APBA2: variants seen among roughly 807,000 people sequenced by gnomAD.
APBA2 encodes the protein amyloid-beta A4 precursor protein-binding family A member 2.
Under a neutral mutation model 75.0 loss-of-function variants are expected in APBA2, and 30 were observed. That is an observed-to-expected ratio of 0.40 (90% CI 0.30 to 0.54). The LOEUF (loss-of-function observed/expected upper bound fraction) is 0.54. Ranked by LOEUF, APBA2 falls within the 20% of genes least tolerant of loss-of-function variation. APBA2 has a pLI of 0.49. For synonymous variants in APBA2, 444 were observed against 409.6 expected, an observed-to-expected ratio of 1.08 and a Z score of -1.01; for missense variants, 801 against 1,016.1, an observed-to-expected ratio of 0.79 and a Z score of 2.88.
At position 29,098,517 on chromosome 15, in the gene APBA2, A is replaced by G. The variant is rs749057787; in HGVS notation, c.1279A>G (p.Thr427Ala). ...ANSEGDAQTL[T>A]EVDLFISTQR... The stretch of plus-strand genomic sequence containing the variant: ...TTCTGAGGGGGATGCCCAGACGCTG[A>G]CGGAAGTGGACCTCTTCATTTCCAC... Residue 427 changes from threonine to alanine, a missense_variant, in exon 9 of 15, where the codon ACG (threonine) becomes GCG (alanine). Physicochemically the swap from Thr to Ala is moderately conservative, Grantham distance 58. Transcript: ENST00000683413. 10 of 1,614,146 alleles carry G rather than the reference A, an allele frequency of 6.2e-6. No individual in the cohort carries two copies. The South Asian group carries it at 1.1e-4, about 18-fold the overall frequency.
chr15:29,058,015 A>T (rs891478150), intron 4 of APBA2, among the ~76,000 whole-genome samples: 1 of 152,086 alleles, frequency 6.6e-6, no homozygotes, highest in African/African-American at 2.4e-5. Context: ...CCTGTTGCGT[A>T]TGTCCTCATC....
At chr15:29,045,347 C>T (rs1424507973) in intron 3 of APBA2, among the ~76,000 whole-genome samples, 2 of 151,370 alleles carry the variant, frequency 1.3e-5, no homozygotes, top group East Asian at 1.9e-4. Flanking sequence ...GCCTCGGCCT[C>T]CCAAAGTGTT....
At chr15:28,957,164 C>T (rs111814561) in intron 2 of APBA2, among the ~76,000 whole-genome samples, 11,360 of 152,108 alleles carry the variant, frequency 0.075, 569 homozygotes, top group East Asian at 0.24. Context: ...GCTCCGCCTC[C>T]CGGGTTCACG....
chr15:28,937,749 T>G (rs928625437), intron 2 of APBA2, among the ~76,000 whole-genome samples: 1 of 151,978 alleles, frequency 6.6e-6, no homozygotes, highest in African/African-American at 2.4e-5. Flanking sequence ...CTCCGCCTCC[T>G]GGGTTCACGC....
chr15:28,998,106 C>T (rs902164714), intron 3 of APBA2, among the ~76,000 whole-genome samples: 27 of 152,056 alleles, frequency 1.8e-4, no homozygotes, highest in African/African-American at 6.0e-4. Context: ...AATACTAATC[C>T]CTGTGATGTG....
At chr15:29,111,704 C>T (rs2044741443) in intron 13 of APBA2, among the ~76,000 whole-genome samples, 1 of 152,074 alleles carries the variant, frequency 6.6e-6, no homozygotes, top group East Asian at 1.9e-4. Context: ...CCCATTTGGC[C>T]CTCTGTGCAC....
intron 11 of APBA2, 59 bp downstream of exon 11, chr15:29,105,617 T>G: frequency 6.3e-7 from 1 of 1,593,070 alleles, no homozygotes; most frequent in Non-Finnish European, 8.6e-7. Flanking sequence ...CTCCCTGAGC[T>G]CCTGCAGAGC....
intron 4 of APBA2, among the ~76,000 whole-genome samples, chr15:29,056,244 A>G (rs2152892772): frequency 6.6e-6 from 1 of 152,308 alleles, no homozygotes; most frequent in South Asian, 2.1e-4. Flanking sequence ...AAAAACACAG[A>G]GATCTTGCGA....
chr15:28,939,643 T>C (rs1320053314), intron 2 of APBA2, among the ~76,000 whole-genome samples: 2 of 152,240 alleles, frequency 1.3e-5, no homozygotes, highest in South Asian at 2.1e-4. Context: ...ACGAGACGTC[T>C]TTCAGAGGAA....
chr15:28,994,135 T>C (rs58568814), intron 2 of APBA2, among the ~76,000 whole-genome samples: 12,027 of 152,256 alleles, frequency 0.079, 651 homozygotes, highest in East Asian at 0.27. Flanking sequence ...AAGAAGGGAA[T>C]ACTATTTGAT....
At chr15:29,105,789 A>G (rs1482982957) in intron 11 of APBA2, among the ~76,000 whole-genome samples, 1 of 152,162 alleles carries the variant, frequency 6.6e-6, no homozygotes, top group Non-Finnish European at 1.5e-5. Context: ...GACCTCGAAA[A>G]TGCGCCTTTT....
At chr15:28,909,237 G>A (rs1203658221) in intron 1 of APBA2, among the ~76,000 whole-genome samples, 3 of 151,948 alleles carry the variant, frequency 2.0e-5, no homozygotes, top group South Asian at 4.2e-4. Flanking sequence ...TGATCCGCCC[G>A]CCTCGGCCTC....
chr15:29,065,863 T>C (rs756080879), intron 4 of APBA2, among the ~76,000 whole-genome samples: 6 of 152,236 alleles, frequency 3.9e-5, no homozygotes, highest in Non-Finnish European at 8.8e-5. Flanking sequence ...CTTCTGGGTC[T>C]GTCCCACGGG....
chr15:29,035,353 G>A (rs1265010929), intron 3 of APBA2, among the ~76,000 whole-genome samples: 1 of 152,198 alleles, frequency 6.6e-6, no homozygotes, highest in African/African-American at 2.4e-5. Flanking sequence ...GCCTGGGAGG[G>A]CATTTGGGTG....
intron 1 of APBA2, among the ~76,000 whole-genome samples, chr15:28,901,908 A>ATGTGTGTGTG (rs766260051): frequency 0.03 from 2,055 of 67,386 alleles, 235 homozygotes; most frequent in African/African-American, 0.12. Context: ...GGAGCTTTTG[A>ATGTGTGTGTG]TGTGTGTGTG....
rs2033801617 is a variant in APBA2, at chr15:28,918,605, T to C, written c.-204-3035T>C. ...GGATGTATTTTAAAGGAGTGCCTGA[T>C]GCGTGTGGGTGTGGTGGGGTTGGGG... On this transcript the variant is annotated intron_variant, in intron 1 of 14. Transcript: ENST00000683413. This position sits in a 1 kb window ranked among gnomAD's most constrained non-coding sequence, Gnocchi z 4.2. 1.1e-5 allele frequency among the ~76,000 whole-genome samples: 1 copy of C among 94,454 alleles called. No homozygotes were observed. 62.0% of individuals were successfully genotyped at this position (94,454 alleles called of 152,430 possible).
At chr15:28,978,754 C>T (rs2037470442) in intron 2 of APBA2, among the ~76,000 whole-genome samples, 1 of 152,218 alleles carries the variant, frequency 6.6e-6, no homozygotes, top group Admixed American at 6.5e-5. Flanking sequence ...GTGTCACATT[C>T]TTCTCCAGGA....
At chr15:28,995,577 T>C (rs2038474198) in intron 2 of APBA2, among the ~76,000 whole-genome samples, 176 bp from the exon 3 acceptor site, 1 of 152,222 alleles carries the variant, frequency 6.6e-6, no homozygotes, top group South Asian at 2.1e-4. Context: ...AGAAACATTT[T>C]AATTATTTGT....
intron 3 of APBA2, among the ~76,000 whole-genome samples, chr15:29,004,832 A>G (rs2039029728): frequency 6.6e-6 from 1 of 152,136 alleles, no homozygotes; most frequent in African/African-American, 2.4e-5. Context: ...GGCACATGCC[A>G]CCACGCCTGA....
Sources: allele counts gnomAD v4.1 joint callset (sites outside exome capture counted in the v4.1 genomes callset), GRCh38; gene constraint gnomAD v4.1.1; non-coding constraint Gnocchi (gnomAD v3.1); transcripts MANE v1.5; gene names NCBI Gene and HGNC (gene_info 2026-07-23, HGNC 2026-07-21).